Variants in WWOX observed in about 807,000 individuals in gnomAD.
WWOX encodes the protein WW domain-containing oxidoreductase.
In WWOX, 69 loss-of-function variants were observed where a neutral mutation model predicts 46.2. The observed-to-expected ratio is 1.49, with a 90% CI of 1.23 to 1.82. The LOEUF (loss-of-function observed/expected upper bound fraction) is 1.82. WWOX is among the 40% of genes most tolerant of loss of function. The pLI is 0.00. For missense variants in WWOX, 919 were observed against 542.6 expected (o/e 1.69, Z -6.89); for synonymous variants, 359 against 202.6 (o/e 1.77, Z -6.56).
intron 6 of WWOX, among the ~76,000 whole-genome samples, chr16:78,422,663 GTATATATA>G (rs569996246): frequency 0.025 from 600 of 24,408 alleles, 130 homozygotes; most frequent in Non-Finnish European, 0.031. Flanking sequence ...TTTTTTACAT[GTATATATA>G]TATATATATA....
intron 8 of WWOX, among the ~76,000 whole-genome samples, chr16:78,650,486 T>C (rs117007680): frequency 0.024 from 3,673 of 152,276 alleles, 64 homozygotes; most frequent in Non-Finnish European, 0.035. Flanking sequence ...CATGCAATGC[T>C]TGAGATTTGC....
chr16:79,184,740 C>A (rs1452767027), intron 8 of WWOX, among the ~76,000 whole-genome samples: 4 of 152,138 alleles, frequency 2.6e-5, no homozygotes, highest in Admixed American at 1.3e-4. Flanking sequence ...AGACAAATAG[C>A]CAAGATAGGA....
chr16:78,759,450 G>A (rs531306035), intron 8 of WWOX, among the ~76,000 whole-genome samples: 1 of 152,270 alleles, frequency 6.6e-6, no homozygotes, highest in East Asian at 1.9e-4. Flanking sequence ...GTTAAAATAA[G>A]CCAGTGAGGA....
intron 8 of WWOX, among the ~76,000 whole-genome samples, chr16:78,833,679 T>C (rs966969520): frequency 3.3e-5 from 5 of 152,232 alleles, no homozygotes; most frequent in Admixed American, 2.0e-4. Flanking sequence ...ATATGGTGCT[T>C]AGAGATTTCA....
intron 8 of WWOX, among the ~76,000 whole-genome samples, chr16:78,573,893 T>G (rs1271777653): frequency 1.3e-5 from 2 of 152,240 alleles, no homozygotes; most frequent in Non-Finnish European, 2.9e-5. Flanking sequence ...TCATGGTTTC[T>G]GTGGATCAGG....
At chr16:78,840,151 C>T (rs1410339990) in intron 8 of WWOX, among the ~76,000 whole-genome samples, 2 of 152,198 alleles carry the variant, frequency 1.3e-5, no homozygotes, top group African/African-American at 4.8e-5. Flanking sequence ...TGTTTGTGGA[C>T]ATTGCCTCCC....
chr16:78,182,937 C>T lies in WWOX; in HGVS notation c.516+18648C>T, dbSNP rs1188879472. Among the ~76,000 whole-genome samples, 5 of 129,516 alleles carry T rather than the reference C, an allele frequency of 3.9e-5. No individual in the cohort carries two copies. The East Asian group carries it at 8.9e-4, about 23-fold the overall frequency. The allele number at this position is 129,516 out of a possible 152,430, so 85.0% of individuals were successfully genotyped here. ...CTGCACTTCAGCCTGGGTGACAGAG[C>T]GAGAATCTGTCTCAAAAAAAAAAAA... is the stretch of plus-strand genomic sequence containing the variant. On this transcript the variant is annotated intron_variant, in intron 5 of 8. Coordinates refer to ENST00000566780, the MANE Select transcript of WWOX (RefSeq NM_016373.4).
At chr16:79,197,706 T>A (rs2051267429) in intron 8 of WWOX, among the ~76,000 whole-genome samples, 1 of 152,116 alleles carries the variant, frequency 6.6e-6, no homozygotes, top group South Asian at 2.1e-4. Flanking sequence ...GCTTGGTAAT[T>A]TATTTATTTG....
At chr16:79,052,211 C>T (rs1183394822) in intron 8 of WWOX, among the ~76,000 whole-genome samples, 1 of 150,868 alleles carries the variant, frequency 6.6e-6, no homozygotes, top group Non-Finnish European at 1.5e-5. Flanking sequence ...CACCACAGTC[C>T]CCAGAGTGTG....
At chr16:78,751,207 G>A (rs6564586) in intron 8 of WWOX, among the ~76,000 whole-genome samples, 44,758 of 151,786 alleles carry the variant, frequency 0.29, 11,145 homozygotes, top group African/African-American at 0.69. Context: ...TATTTAATTT[G>A]TGTTTCGAAC....
At chr16:78,827,449 C>T (rs901020204) in intron 8 of WWOX, among the ~76,000 whole-genome samples, 13 of 150,054 alleles carry the variant, frequency 8.7e-5, no homozygotes, top group African/African-American at 3.2e-4. Flanking sequence ...AGGCTGTTTT[C>T]TGTTCTGCAA....
At chr16:78,691,023 A>G (rs561157705) in intron 8 of WWOX, among the ~76,000 whole-genome samples, 10 of 152,346 alleles carry the variant, frequency 6.6e-5, no homozygotes, top group Non-Finnish European at 1.3e-4. Context: ...TCCACTAAGC[A>G]GACATACTCG....
chr16:78,799,210 C>T (rs1239935865), intron 8 of WWOX, among the ~76,000 whole-genome samples: 5 of 152,140 alleles, frequency 3.3e-5, no homozygotes, highest in East Asian at 1.9e-4. Context: ...AACAGGGACA[C>T]GGTGCAGAAA....
chr16:78,217,142 T>C lies in WWOX; in HGVS notation c.516+52853T>C, dbSNP rs190484161. On this transcript the variant is annotated intron_variant, in intron 5 of 8. Coordinates refer to ENST00000566780, the MANE Select transcript of WWOX (RefSeq NM_016373.4). Reference sequence around the variant, plus strand: ...TCAGGGATTAGGACCTGGACATCTTTGGTTGGGAAATGGGCATCATTTTGT... The same window carrying C: ...TCAGGGATTAGGACCTGGACATCTTCGGTTGGGAAATGGGCATCATTTTGT... Among the ~76,000 whole-genome samples, 3 of 152,340 alleles carry C rather than the reference T, an allele frequency of 2.0e-5. No homozygotes were observed. In the East Asian group the frequency reaches 5.8e-4, roughly 29 times the overall value.
chr16:78,903,629 G>C (rs1394247312), intron 8 of WWOX, among the ~76,000 whole-genome samples: 2 of 152,202 alleles, frequency 1.3e-5, no homozygotes, highest in Non-Finnish European at 2.9e-5. Context: ...TAAGAAGTCA[G>C]AGTGAAATGG....
intron 8 of WWOX, among the ~76,000 whole-genome samples, chr16:78,746,522 C>T (rs2049350777): frequency 6.6e-6 from 1 of 152,208 alleles, no homozygotes; most frequent in Admixed American, 6.5e-5. Flanking sequence ...TACTAGATAT[C>T]AGCACCCTTG....
In WWOX at chr16:79,192,056, C is replaced by G. The variant is rs56679519; in HGVS notation, c.1057-19552C>G. 2.6e-3 allele frequency among the ~76,000 whole-genome samples: 397 copies of G among 152,314 alleles called. 1 individual carries two copies. The highest frequency in any genetic ancestry group is 9.0e-3 in the African/African-American group (376 of 41,566). On this transcript the variant is annotated intron_variant, in intron 8 of 8. Coordinates refer to ENST00000566780, the MANE Select transcript of WWOX (RefSeq NM_016373.4). ...CATTCGCGTTAGAGACAATTTTCTT[C>G]TCCTCAAGATAAGGGATGGGGAATT... is the stretch of plus-strand genomic sequence containing the variant.
intron 8 of WWOX, among the ~76,000 whole-genome samples, chr16:78,745,960 CT>C (rs2049338518): frequency 6.6e-6 from 1 of 152,124 alleles, no homozygotes; most frequent in Non-Finnish European, 1.5e-5. Flanking sequence ...ACTCCAGCTG[CT>C]ATGAACTGGA....
At chr16:79,113,930 G>C (rs1258817532) in intron 8 of WWOX, among the ~76,000 whole-genome samples, 1 of 152,194 alleles carries the variant, frequency 6.6e-6, no homozygotes, top group Non-Finnish European at 1.5e-5. Flanking sequence ...GGGCTGAGTG[G>C]CAGTCCTAAG....
Sources: gnomAD v4.1 joint callset for allele counts (sites outside exome capture counted in the v4.1 genomes callset) on GRCh38, gnomAD v4.1.1 for gene constraint, MANE v1.5 for transcripts, NCBI Gene and HGNC (gene_info 2026-07-23, HGNC 2026-07-21) for gene names.